SLC7A2: variants seen among roughly 807,000 people sequenced by gnomAD.
The protein encoded by SLC7A2 is solute carrier family 7 member 2, also known as cationic amino acid transporter 2.
In SLC7A2, 48 loss-of-function variants were observed where a neutral mutation model predicts 58.9. That is an observed-to-expected ratio of 0.82 (90% CI 0.65 to 1.04). The LOEUF (loss-of-function observed/expected upper bound fraction) is 1.04, where lower values mean the gene tolerates loss of function less well. Among genes scored for constraint, SLC7A2 ranks in the 50% least tolerant of loss-of-function variants. The pLI is 0.00. For missense variants in SLC7A2, 1,029 were observed against 818.8 expected (o/e 1.26, Z -3.13); for synonymous variants, 363 against 314.5 (o/e 1.15, Z -1.63).
intron 4 of SLC7A2, among the ~76,000 whole-genome samples, chr8:17,547,418 A>C (rs113886826): frequency 0.059 from 8,937 of 152,220 alleles, 854 homozygotes; most frequent in African/African-American, 0.2. Flanking sequence ...TGGGAGTTAC[A>C]ATTCAAGATG....
intron 1 of SLC7A2, chr8:17,499,250 CTT>C (rs1800061999): frequency 6.6e-6 from 1 of 152,088 alleles, no homozygotes; most frequent in Admixed American, 6.6e-5. Flanking sequence ...TCTGTCTTCT[CTT>C]GTTTTATTTT....
At chr8:17,558,920 AT>A (rs1217968381) in intron 9 of SLC7A2, among the ~76,000 whole-genome samples, 2 of 152,226 alleles carry the variant, frequency 1.3e-5, no homozygotes, top group Admixed American at 6.5e-5. Flanking sequence ...CTATAGTTAT[AT>A]ATAGTGTCTG....
Position 17,526,152 on chromosome 8 carries a change from G to A in SLC7A2, c.-22-17166G>A, listed in dbSNP as rs17689027. ...ACAATCAAAATCCTAGTCTGATAAC[G>A]AATGCTCTGAGTTAGGAACAAGAGG... On this transcript the variant is annotated intron_variant, in intron 2 of 12. Transcript: ENST00000494857. Among the ~76,000 whole-genome samples, 3 of 152,128 alleles carry A rather than the reference G, an allele frequency of 2.0e-5. 1 individual carries two copies. Among genetic ancestry groups the A allele is most frequent in the Admixed American group, 2.0e-4 (3 of 15,274 alleles).
chr8:17,501,936 A>T (rs1206870980), intron 1 of SLC7A2, among the ~76,000 whole-genome samples: 2 of 151,456 alleles, frequency 1.3e-5, no homozygotes, highest in African/African-American at 4.9e-5. Flanking sequence ...ATATTTGGTG[A>T]ACAATACACA....
chr8:17,555,114 T>A, intron 8 of SLC7A2: 1 of 1,608,404 alleles, frequency 6.2e-7, no homozygotes, highest in Non-Finnish European at 8.5e-7. Flanking sequence ...TTCTTGAGCA[T>A]TAGACTGGAA....
intron 2 of SLC7A2, among the ~76,000 whole-genome samples, chr8:17,532,648 G>A (rs1260324860): frequency 2.0e-5 from 3 of 152,062 alleles, no homozygotes; most frequent in Admixed American, 1.3e-4. Flanking sequence ...AAACTTAATT[G>A]GAGAAATTGT....
chr8:17,505,960 G>A (rs1316827687), intron 2 of SLC7A2, among the ~76,000 whole-genome samples: 1 of 152,194 alleles, frequency 6.6e-6, no homozygotes, highest in African/African-American at 2.4e-5. Context: ...CATGCTTAAG[G>A]TATAATATTG....
In SLC7A2 at chr8:17,564,289, A is replaced by C. The variant is rs970399650; in HGVS notation, c.1780+578A>C. Among the ~76,000 whole-genome samples, 16 of 152,334 alleles carry C rather than the reference A, an allele frequency of 1.1e-4. No individual in the cohort carries two copies. In the South Asian group the frequency reaches 1.7e-3, roughly 16 times the overall value. ...TTTATTCCACATATCATTTTGTTTA[A>C]AGTACAGTATTGACTTCTAAGAACA... On this transcript the variant is annotated intron_variant, in intron 12 of 12. Coordinates refer to ENST00000494857, the MANE Select transcript of SLC7A2 (RefSeq NM_001370338.1).
At chr8:17,500,803 C>G (rs2464551) in intron 1 of SLC7A2, among the ~76,000 whole-genome samples, 179 of 3,208 alleles carry the variant, frequency 0.056, 1 homozygote, top group Admixed American at 0.1. Flanking sequence ...CACACATACA[C>G]ACACACACAC....
At chr8:17,517,917 C>G (rs1800864954) in intron 2 of SLC7A2, among the ~76,000 whole-genome samples, 1 of 152,116 alleles carries the variant, frequency 6.6e-6, no homozygotes. Flanking sequence ...TGGAGCCACA[C>G]AGACCTTAGG....
rs190272344 is a variant in SLC7A2, at chr8:17,530,367, C to T, written c.-22-12951C>T. Reference sequence around the variant, plus strand: ...CTGGATACATGCAGTTCAGTCAAAACCTTTTCACCTTTATGTGAGCCAGAA... The same window carrying T: ...CTGGATACATGCAGTTCAGTCAAAATCTTTTCACCTTTATGTGAGCCAGAA... On this transcript the variant is annotated intron_variant, in intron 2 of 12. Transcript: ENST00000494857. 2.6e-4 allele frequency among the ~76,000 whole-genome samples: 40 copies of T among 152,218 alleles called. 1 individual carries two copies. Among genetic ancestry groups the T allele is most frequent in the Admixed American group, 2.1e-3 (32 of 15,284 alleles).
intron 2 of SLC7A2, among the ~76,000 whole-genome samples, chr8:17,530,842 T>C (rs1200012514): frequency 6.6e-6 from 1 of 152,058 alleles, no homozygotes; most frequent in Non-Finnish European, 1.5e-5. Context: ...AAAGTGCTGG[T>C]AGTACAGGTG....
intron 2 of SLC7A2, among the ~76,000 whole-genome samples, chr8:17,522,861 C>G (rs1801071292): frequency 6.6e-6 from 1 of 152,022 alleles, no homozygotes; most frequent in African/African-American, 2.4e-5. Flanking sequence ...CACAGTGACA[C>G]CCTACCTCTA....
chr8:17,544,533 C>G lies in SLC7A2; in HGVS notation c.459C>G (p.Tyr153Ter). Residue 153 changes from tyrosine to a stop codon, truncating the protein, a stop_gained, in exon 4 of 13, where the codon TAC becomes TAG. Transcript: ENST00000494857. LOFTEE classifies it high-confidence loss of function. ...SKQIGQFLRT[Y>*]FRMNYTGLAE... ...AGATTGGTCAGTTTTTGAGGACATA[C>G]TTCAGAATGAATTACACTGGTCTTG... The G allele has an allele frequency of 6.2e-7, 1 of 1,613,946 alleles. No homozygotes were observed. The highest frequency in any genetic ancestry group is 2.2e-5 in the East Asian group (1 of 44,856).
intron 2 of SLC7A2, among the ~76,000 whole-genome samples, chr8:17,512,162 C>T (rs189742718): frequency 6.6e-5 from 10 of 152,132 alleles, no homozygotes; most frequent in East Asian, 5.8e-4. Context: ...GGCTTTAATT[C>T]GTGTTTCTCT....
In SLC7A2 at chr8:17,562,018, C is replaced by T; in HGVS notation, c.1579C>T (p.Leu527Phe). 1 of 1,613,996 alleles carries T rather than the reference C, an allele frequency of 6.2e-7. No individual in the cohort carries two copies. The highest frequency in any genetic ancestry group is 8.5e-7 in the Non-Finnish European group (1 of 1,179,934). Residue 527 changes from leucine to phenylalanine, a missense_variant, in exon 11 of 13, where the codon CTC becomes TTC. Coordinates refer to ENST00000494857, the MANE Select transcript of SLC7A2 (RefSeq NM_001370338.1). ...HAITRLEAWSLALLALFLVLF... is the reference protein window; with the variant it reads ...HAITRLEAWSFALLALFLVLF... ...CATCACCAGGCTGGAGGCCTGGAGC[C>T]TCGCTCTCCTCGCGCTGTTTCTTGT...
intron 6 of SLC7A2, 143 bp downstream of exon 6, chr8:17,550,577 C>G: frequency 1.5e-6 from 1 of 675,296 alleles, no homozygotes; most frequent in Non-Finnish European, 2.4e-6. Context: ...GTGACACGTG[C>G]TGCTGATGAT....
At chr8:17,516,477 G>A (rs1414261965) in intron 2 of SLC7A2, among the ~76,000 whole-genome samples, 1 of 152,176 alleles carries the variant, frequency 6.6e-6, no homozygotes, top group African/African-American at 2.4e-5. Context: ...ACCCACCTTG[G>A]CCACCCAAAG....
Position 17,560,553 on chromosome 8 carries a change from T to A in SLC7A2, c.1504+20T>A, listed in dbSNP as rs1802922758. The stretch of plus-strand genomic sequence containing the variant: ...TCCTAGGTAAGTCTTCTTCTCTGCT[T>A]ACATTGTACAGACCCAGAAGATGTG... On this transcript the variant is annotated intron_variant, in intron 10 of 12. Transcript: ENST00000494857. 6.3e-7 allele frequency: 1 copy of A among 1,584,282 alleles called. No homozygotes were observed. The highest frequency in any genetic ancestry group is 1.7e-5 in the Admixed American group (1 of 59,954).
Sources: allele counts gnomAD v4.1 joint callset (sites outside exome capture counted in the v4.1 genomes callset), GRCh38; gene constraint gnomAD v4.1.1; transcripts MANE v1.5; gene names NCBI Gene and HGNC (gene_info 2026-07-23, HGNC 2026-07-21).